The following NANOS3 variants were observed in gnomAD, a reference collection of about 807,000 sequenced individuals.
The protein encoded by NANOS3 is nanos homolog 3.
Under a neutral mutation model 13.8 loss-of-function variants are expected in NANOS3, and 11 were observed. The observed-to-expected ratio is 0.80, with a 90% CI of 0.50 to 1.32. The LOEUF (loss-of-function observed/expected upper bound fraction) is 1.32. NANOS3 is among the 40% of genes most tolerant of loss of function. The probability of loss-of-function intolerance (pLI) is 0.00; values close to 1 mark genes in which losing one functional copy is unlikely to be tolerated. For missense variants in NANOS3, 221 were observed against 263.8 expected (o/e 0.84, Z 1.12); for synonymous variants, 119 against 115.4 (o/e 1.03, Z -0.20).
Position 13,877,232 on chromosome 19 carries a change from G to A in NANOS3, c.-17G>A. On this transcript the variant is annotated 5_prime_UTR_variant, in exon 1 of 2. Transcript: ENST00000339133. ...TTGTCTCTGTGACTCCTTCCGCCTG[G>A]CACATGCTGCCCAGCTATGGGGACC... The A allele has an allele frequency of 6.3e-7, 1 of 1,592,254 alleles. No homozygotes were observed.
chr19:13,876,308 TTG>T (rs111824565), upstream of NANOS3, among the ~76,000 whole-genome samples: 2,165 of 148,830 alleles, frequency 0.015, 36 homozygotes, highest in African/African-American at 0.043. Flanking sequence ...CCAGCTAATT[TTG>T]TGTGTGTGTG....
At chr19:13,872,750 C>T (rs150286923), upstream of NANOS3, among the ~76,000 whole-genome samples, 1 of 152,226 alleles carries the variant, frequency 6.6e-6, no homozygotes, top group African/African-American at 2.4e-5. Context: ...CAGGCCCCCC[C>T]ACTCCACAGC....
chr19:13,874,897 C>T (rs367686185), upstream of NANOS3: 28 of 525,790 alleles, frequency 5.3e-5, no homozygotes, highest in African/African-American at 3.3e-4. Flanking sequence ...AGGCCACAGC[C>T]GAGGTCACAA....
chr19:13,873,590 T>C (rs954690118), upstream of NANOS3, among the ~76,000 whole-genome samples: 1 of 151,990 alleles, frequency 6.6e-6, no homozygotes, highest in African/African-American at 2.4e-5. Context: ...GATCCTCCCA[T>C]CTCAGCCTCC....
chr19:13,874,070 G>T (rs527569612), upstream of NANOS3, among the ~76,000 whole-genome samples: 252 of 152,256 alleles, frequency 1.7e-3, no homozygotes, highest in African/African-American at 5.8e-3. Flanking sequence ...CCCGAGTTCA[G>T]ATGCTGTGTG....
chr19:13,866,547 C>A (rs910301557), intron 1 of NANOS3, among the ~76,000 whole-genome samples: 2 of 152,218 alleles, frequency 1.3e-5, no homozygotes, highest in Non-Finnish European at 2.9e-5. Context: ...AACACTGCCA[C>A]GTGTGTAGAC....
At chr19:13,872,786 G>T (rs895000808), upstream of NANOS3, among the ~76,000 whole-genome samples, 15 of 152,304 alleles carry the variant, frequency 9.8e-5, no homozygotes, top group African/African-American at 3.6e-4. Flanking sequence ...TGCTGGACGT[G>T]GCGGATGAGC....
chr19:13,876,814 TG>T (rs1430991761), upstream of NANOS3, among the ~76,000 whole-genome samples: 1 of 152,192 alleles, frequency 6.6e-6, no homozygotes, highest in Non-Finnish European at 1.5e-5. Flanking sequence ...TGCTAGTCTT[TG>T]GGGGTGGGGT....
chr19:13,867,761 T>G (rs556171284), intron 1 of NANOS3, among the ~76,000 whole-genome samples: 2 of 152,028 alleles, frequency 1.3e-5, no homozygotes, highest in African/African-American at 4.8e-5. Flanking sequence ...ACTGCACACA[T>G]GGACACACAG....
At chr19:13,875,463 A>C (rs1968491488), upstream of NANOS3, among the ~76,000 whole-genome samples, 1 of 152,068 alleles carries the variant, frequency 6.6e-6, no homozygotes, top group South Asian at 2.1e-4. Context: ...CTGGGATTAC[A>C]GGCATGAGCC....
upstream of NANOS3, among the ~76,000 whole-genome samples, chr19:13,874,135 C>T (rs370680613): frequency 6.6e-6 from 1 of 152,290 alleles, no homozygotes; most frequent in Middle Eastern, 3.4e-3. Flanking sequence ...TCTCCCCTGT[C>T]TAGTGGGGCC....
At chr19:13,871,464 C>CGCCCCA (rs944919744) in intron 1 of NANOS3, among the ~76,000 whole-genome samples, 3 of 152,196 alleles carry the variant, frequency 2.0e-5, no homozygotes, top group African/African-American at 7.2e-5. Context: ...GGCCTCCTGT[C>CGCCCCA]GCCCCAGCCC....
In NANOS3 at chr19:13,877,716, G is replaced by A. The variant is rs1231115087; in HGVS notation, c.468G>A (p.Lys156=). ...SAGKKLVRPD[K]AKTQDTGHRR... Reference sequence around the variant, plus strand: ...GCAAGAAGCTGGTCCGGCCTGACAAGGCGAAGACACAGGACACAGGCCACC... The same window carrying A: ...GCAAGAAGCTGGTCCGGCCTGACAAAGCGAAGACACAGGACACAGGCCACC... The change falls in exon 1 of 2, where the codon AAG becomes AAA. Residue 156 remains lysine, a synonymous_variant. Coordinates refer to ENST00000339133, the MANE Select transcript of NANOS3 (RefSeq NM_001098622.3). The A allele has an allele frequency of 6.2e-7, 1 of 1,602,950 alleles. No homozygotes were observed. Among genetic ancestry groups the A allele is most frequent in the East Asian group, 2.3e-5 (1 of 44,442 alleles).
intron 1 of NANOS3, among the ~76,000 whole-genome samples, chr19:13,879,874 A>G (rs2145084312): frequency 6.6e-6 from 1 of 152,288 alleles, no homozygotes; most frequent in Non-Finnish European, 1.5e-5. Flanking sequence ...AAAATACAAA[A>G]AATTAACTGG....
At chr19:13,870,054 A>T (rs1434950051) in intron 1 of NANOS3, among the ~76,000 whole-genome samples, 2 of 144,592 alleles carry the variant, frequency 1.4e-5, no homozygotes, top group Admixed American at 7.0e-5. Flanking sequence ...TTCTTCAACT[A>T]TTTTTTTTTT....
At chr19:13,873,000 G>A (rs1285654025), upstream of NANOS3, among the ~76,000 whole-genome samples, 1 of 151,680 alleles carries the variant, frequency 6.6e-6, no homozygotes, top group East Asian at 1.9e-4. Flanking sequence ...CGGTCGGGGC[G>A]GACCTTAGTG....
upstream of NANOS3, chr19:13,862,036 A>C (rs1976166255): frequency 6.6e-6 from 1 of 152,370 alleles, no homozygotes; most frequent in Admixed American, 6.5e-5. Flanking sequence ...GGGGATCTTC[A>C]GAGGAGTCTG....
chr19:13,877,488 C>T lies in NANOS3; in HGVS notation c.240C>T (p.Cys80=). 1 of 1,611,600 alleles carries T rather than the reference C, an allele frequency of 6.2e-7. No homozygotes were observed. Among genetic ancestry groups the T allele is most frequent in the Non-Finnish European group, 8.5e-7 (1 of 1,179,982 alleles). ...SPAPERLCSF[C]KHNGESRAIY... is the part of the protein sequence containing the mutation. Reference sequence around the variant, plus strand: ...CTCCCGAACGCCTGTGCTCTTTCTGCAAACACAACGGCGAGTCCCGGGCCA... The same window carrying T: ...CTCCCGAACGCCTGTGCTCTTTCTGTAAACACAACGGCGAGTCCCGGGCCA... The change falls in exon 1 of 2, where the codon TGC becomes TGT. Residue 80 remains cysteine, a synonymous_variant. Coordinates refer to ENST00000339133, the MANE Select transcript of NANOS3 (RefSeq NM_001098622.3).
chr19:13,879,921 G>T (rs748513522), intron 1 of NANOS3, among the ~76,000 whole-genome samples: 12 of 152,182 alleles, frequency 7.9e-5, no homozygotes, highest in Admixed American at 3.3e-4. Context: ...TGCTACTCGG[G>T]GGGCTGAGAC....
Sources: gnomAD v4.1 joint callset for allele counts (sites outside exome capture counted in the v4.1 genomes callset) on GRCh38, gnomAD v4.1.1 for gene constraint, MANE v1.5 for transcripts, NCBI Gene and HGNC (gene_info 2026-07-23, HGNC 2026-07-21) for gene names.